Variants in CTNNA3 observed in about 807,000 individuals in gnomAD.
CTNNA3 encodes the protein catenin alpha-3.
In CTNNA3, 76 loss-of-function variants were observed where a neutral mutation model predicts 95.7. That is an observed-to-expected ratio of 0.79 (90% CI 0.66 to 0.96). The LOEUF (loss-of-function observed/expected upper bound fraction) is 0.96. Ranked by LOEUF, CTNNA3 falls within the 40% of genes least tolerant of loss-of-function variation. The pLI is 0.00. For missense variants in CTNNA3, 1,191 were observed against 1,089.8 expected, an observed-to-expected ratio of 1.09 and a Z score of -1.31; for synonymous variants, 431 against 374.4, an observed-to-expected ratio of 1.15 and a Z score of -1.74.
intron 12 of CTNNA3, among the ~76,000 whole-genome samples, chr10:66,359,167 A>G (rs2092634795): frequency 6.6e-6 from 1 of 152,202 alleles, no homozygotes; most frequent in Non-Finnish European, 1.5e-5. Context: ...AGGGGATAGC[A>G]TTGCATCCAG....
intron 1 of CTNNA3, among the ~76,000 whole-genome samples, chr10:67,711,758 A>C (rs1329706477): frequency 9.3e-6 from 1 of 107,620 alleles, no homozygotes; most frequent in African/African-American, 3.7e-5. Context: ...AACTGTCCCC[A>C]GAGTGTGATG....
intron 5 of CTNNA3, among the ~76,000 whole-genome samples, chr10:67,291,326 T>C (rs1002811540): frequency 6.6e-6 from 1 of 152,152 alleles, no homozygotes; most frequent in Non-Finnish European, 1.5e-5. Flanking sequence ...CTATGGTACA[T>C]GGACACAGAA....
upstream of CTNNA3, among the ~76,000 whole-genome samples, chr10:67,697,171 T>C (rs1176860782): frequency 2.0e-5 from 3 of 152,230 alleles, no homozygotes; most frequent in African/African-American, 7.2e-5. Context: ...TGTATTTTTA[T>C]GTAGCTACCT....
intron 16 of CTNNA3, among the ~76,000 whole-genome samples, chr10:65,969,290 C>T (rs2078046702): frequency 6.6e-6 from 1 of 151,994 alleles, no homozygotes; most frequent in African/African-American, 2.4e-5. Context: ...TATATCTGCA[C>T]AAATATAATT....
Position 66,331,751 on chromosome 10 carries a change from G to C in CTNNA3, c.1732+47401C>G, listed in dbSNP as rs1342697306. On this transcript the variant is annotated intron_variant, in intron 12 of 17. Coordinates refer to ENST00000433211, the MANE Select transcript of CTNNA3 (RefSeq NM_013266.4). ...CAGGTAGCGTGATGCCTCTGGCTTT[G>C]TTCTTTTGGCTTAGGATTGACTTGG... Among the ~76,000 whole-genome samples, 5 of 152,000 alleles carry C rather than the reference G, an allele frequency of 3.3e-5. No individual in the cohort carries two copies. In the East Asian group the frequency reaches 7.8e-4, roughly 24 times the overall value.
intron 13 of CTNNA3, among the ~76,000 whole-genome samples, chr10:66,228,796 GT>G (rs1564789300): frequency 6.6e-6 from 1 of 152,052 alleles, no homozygotes; most frequent in Non-Finnish European, 1.5e-5. Context: ...CGTTCTAATA[GT>G]ATTTGCTTCA....
intron 8 of CTNNA3, among the ~76,000 whole-genome samples, chr10:66,770,960 A>T (rs72637087): frequency 0.065 from 9,933 of 152,206 alleles, 497 homozygotes; most frequent in East Asian, 0.22. Flanking sequence ...ACTAATAATT[A>T]TTTCACTGTG....
At chr10:66,011,126 G>T (rs999685875) in intron 15 of CTNNA3, among the ~76,000 whole-genome samples, 16 of 152,126 alleles carry the variant, frequency 1.1e-4, no homozygotes, top group African/African-American at 3.6e-4. Context: ...TGAAATGAAT[G>T]AAGTCTTAAT....
intron 9 of CTNNA3, among the ~76,000 whole-genome samples, chr10:66,651,482 G>A (rs1845895588): frequency 6.6e-6 from 1 of 152,152 alleles, no homozygotes; most frequent in Admixed American, 6.5e-5. Context: ...GCCCTTGGGG[G>A]GTCAATGGGA....
At chr10:66,237,222 T>C (rs2089898477) in intron 13 of CTNNA3, among the ~76,000 whole-genome samples, 1 of 152,152 alleles carries the variant, frequency 6.6e-6, no homozygotes, top group Non-Finnish European at 1.5e-5. Flanking sequence ...CCACTGAATA[T>C]GTATATGGAA....
intron 13 of CTNNA3, among the ~76,000 whole-genome samples, chr10:66,114,508 GTA>G (rs143559718): frequency 6.0e-5 from 9 of 150,654 alleles, no homozygotes; most frequent in Admixed American, 6.7e-5. Flanking sequence ...GTGCATATAT[GTA>G]TATATATATA....
At chr10:67,203,810 A>G (rs915265036) in intron 6 of CTNNA3, among the ~76,000 whole-genome samples, 6 of 152,164 alleles carry the variant, frequency 3.9e-5, no homozygotes, top group Non-Finnish European at 1.5e-5. Context: ...CTTGGCATTC[A>G]ATATGGTTCC....
chr10:66,206,492 T>C (rs2087762748), intron 13 of CTNNA3, among the ~76,000 whole-genome samples: 1 of 151,866 alleles, frequency 6.6e-6, no homozygotes, highest in Admixed American at 6.6e-5. Context: ...TTTCAGAGTG[T>C]TATCCTCTAG....
At chr10:66,926,443 C>A in intron 7 of CTNNA3, 1 of 855,766 alleles carries the variant, frequency 1.2e-6, no homozygotes, top group South Asian at 1.5e-5. Flanking sequence ...CAAAATCGGT[C>A]CATCTCCCAA....
At chr10:65,953,467 A>G (rs1179154744) in intron 17 of CTNNA3, among the ~76,000 whole-genome samples, 1 of 151,776 alleles carries the variant, frequency 6.6e-6, no homozygotes, top group Non-Finnish European at 1.5e-5. Context: ...ACATGTGCCA[A>G]GTTGGTGTGC....
intron 9 of CTNNA3, among the ~76,000 whole-genome samples, chr10:66,728,663 A>G (rs1848854206): frequency 1.3e-5 from 2 of 152,026 alleles, no homozygotes; most frequent in African/African-American, 2.4e-5. Context: ...AACCTCTGTC[A>G]TTGCAACTTC....
chr10:67,143,978 A>G (rs1020318742), intron 7 of CTNNA3, among the ~76,000 whole-genome samples: 1 of 152,260 alleles, frequency 6.6e-6, no homozygotes, highest in African/African-American at 2.4e-5. Context: ...TACAGCGAGT[A>G]TCGCCTTACA....
At chr10:65,931,585 G>A (rs2077254178) in intron 17 of CTNNA3, among the ~76,000 whole-genome samples, 1 of 152,182 alleles carries the variant, frequency 6.6e-6, no homozygotes, top group Admixed American at 6.5e-5. Context: ...CAATTAAAGT[G>A]ACTGTCTTCT....
At chr10:66,418,025 A>C (rs1253720415) in intron 11 of CTNNA3, among the ~76,000 whole-genome samples, 9 of 151,878 alleles carry the variant, frequency 5.9e-5, no homozygotes, top group Non-Finnish European at 5.9e-5. Flanking sequence ...GAGCAGAACT[A>C]AATGAATCAG....
Sources: allele counts gnomAD v4.1 joint callset (sites outside exome capture counted in the v4.1 genomes callset), GRCh38; gene constraint gnomAD v4.1.1; transcripts MANE v1.5; gene names NCBI Gene and HGNC (gene_info 2026-07-23, HGNC 2026-07-21).